The following ARFGEF3 variants were observed in gnomAD, a reference collection of about 807,000 sequenced individuals.
ARFGEF3 encodes the protein ARFGEF family member 3, also known as brefeldin A-inhibited guanine nucleotide-exchange protein 3.
A neutral mutation model predicts 221.7 loss-of-function variants in ARFGEF3; 96 were observed. That is an observed-to-expected ratio of 0.43 (90% CI 0.37 to 0.51). The LOEUF (loss-of-function observed/expected upper bound fraction) is 0.51, where lower values mean the gene tolerates loss of function less well. ARFGEF3 is among the 20% of genes least tolerant of loss of function. The pLI is 0.00. For synonymous variants in ARFGEF3, 1,145 were observed against 1,126.8 expected (o/e 1.02, Z -0.32); for missense variants, 2,410 against 2,789.9 (o/e 0.86, Z 3.07).
At chr6:138,247,183 T>C (rs1778499753) in intron 8 of ARFGEF3, among the ~76,000 whole-genome samples, 1 of 152,120 alleles carries the variant, frequency 6.6e-6, no homozygotes, top group Non-Finnish European at 1.5e-5. Flanking sequence ...AGCAGATGGA[T>C]GTAAATAGTT....
intron 2 of ARFGEF3, among the ~76,000 whole-genome samples, chr6:138,190,030 A>G (rs975968618): frequency 6.7e-6 from 1 of 148,354 alleles, no homozygotes; most frequent in African/African-American, 2.5e-5. Context: ...GCTGCAGTGA[A>G]CCATGATTGA....
intron 5 of ARFGEF3, among the ~76,000 whole-genome samples, chr6:138,231,169 A>G (rs1353921623): frequency 2.0e-5 from 3 of 152,166 alleles, no homozygotes; most frequent in Non-Finnish European, 4.4e-5. Context: ...TAATTCCTGA[A>G]TAATAGGCAC....
chr6:138,261,614 AAGTCTCATCTGG>A lies in ARFGEF3; in HGVS notation c.1194_1205del (p.Lys398_Asp402delinsAsn). 1 of 1,564,538 alleles carries A rather than the reference AAGTCTCATCTGG, an allele frequency of 6.4e-7. No homozygotes were observed. The highest frequency in any genetic ancestry group is 8.7e-7 in the Non-Finnish European group (1 of 1,152,796). On this transcript the variant is annotated inframe_deletion, in exon 11 of 34. Coordinates refer to ENST00000251691, the MANE Select transcript of ARFGEF3 (RefSeq NM_020340.5). ...CAGAAAAAGATCAATTTCAAAAAGA[AAGTCTCATCTGG>A]ATCTCCTCAAACTGTATGATGTTTA...
At chr6:138,215,885 TGTGAAAGAGA>T (rs1161331982) in intron 4 of ARFGEF3, 1 of 99,182 alleles carries the variant, frequency 1.0e-5, no homozygotes, top group Non-Finnish European at 2.0e-5. Context: ...TGTGTGTGTG[TGTGAAAGAGA>T]GAGAGAGAGA....
chr6:138,303,139 T>G (rs2114653465), intron 22 of ARFGEF3, among the ~76,000 whole-genome samples: 2 of 152,350 alleles, frequency 1.3e-5, no homozygotes, highest in South Asian at 4.1e-4. Context: ...GCAAAGTTGC[T>G]GTATTTTGCC....
At chr6:138,245,481 G>A in intron 7 of ARFGEF3, 32 bp from the exon 8 acceptor site, 6 of 1,532,030 alleles carry the variant, frequency 3.9e-6, no homozygotes, top group Non-Finnish European at 5.4e-6. Flanking sequence ...CCCTGTCGAT[G>A]TCTCATGCCT....
At chr6:138,301,279 A>G (rs971280765) in intron 22 of ARFGEF3, among the ~76,000 whole-genome samples, 3 of 152,250 alleles carry the variant, frequency 2.0e-5, no homozygotes, top group Non-Finnish European at 4.4e-5. Context: ...ATTGAGTAGC[A>G]TTTATTCTTA....
chr6:138,222,990 C>T (rs1778008651), intron 4 of ARFGEF3, among the ~76,000 whole-genome samples: 1 of 152,164 alleles, frequency 6.6e-6, no homozygotes, highest in African/African-American at 2.4e-5. Context: ...CCATCCCTCC[C>T]TCACTCCAAA....
rs866279617 is a variant in ARFGEF3, at chr6:138,322,365, G to A, written c.4766+1140G>A. On this transcript the variant is annotated intron_variant, in intron 29 of 33. Transcript: ENST00000251691. The stretch of plus-strand genomic sequence containing the variant: ...CACTATAACAGCATGGGAAAGACCC[G>A]GCCCGATGATTCAGTTACCTCTCAC... Among the ~76,000 whole-genome samples the A allele has an allele frequency of 3.9e-5, 6 of 152,100 alleles. No individual in the cohort carries two copies. The East Asian group carries it at 7.7e-4, about 20-fold the overall frequency.
At chr6:138,228,486 C>G (rs764031799) in intron 4 of ARFGEF3, among the ~76,000 whole-genome samples, 5 of 151,892 alleles carry the variant, frequency 3.3e-5, no homozygotes, top group Non-Finnish European at 4.4e-5. Context: ...TGTGCCCAGC[C>G]AACTGAGCTG....
Position 138,342,437 on chromosome 6 carries a change from A to G in ARFGEF3, c.*5951A>G, listed in dbSNP as rs1367831866. The G allele has an allele frequency of 6.6e-6, 1 of 152,174 alleles. No homozygotes were observed. Among genetic ancestry groups the G allele is most frequent in the Admixed American group, 6.6e-5 (1 of 15,266 alleles). 9.4% of individuals were successfully genotyped at this position (152,174 alleles called of 1,614,324 possible). A position where few individuals can be genotyped will look rare whatever the true frequency, so the allele number is the denominator to read the frequency against. ...GGATTCTATACAGCAGTCTTGCTCA[A>G]TCTTCCCAGTTTCCAGTTTTATTAT... On this transcript the variant is annotated 3_prime_UTR_variant, in exon 34 of 34. Coordinates refer to ENST00000251691, the MANE Select transcript of ARFGEF3 (RefSeq NM_020340.5).
chr6:138,195,680 A>G (rs902733843), intron 2 of ARFGEF3, among the ~76,000 whole-genome samples: 1 of 152,256 alleles, frequency 6.6e-6, no homozygotes, highest in Non-Finnish European at 1.5e-5. Context: ...ACATCTTTAC[A>G]TAGAAAACTT....
chr6:138,254,655 G>A (rs1002259405), intron 9 of ARFGEF3, among the ~76,000 whole-genome samples: 12 of 152,118 alleles, frequency 7.9e-5, no homozygotes, highest in Admixed American at 3.3e-4. Context: ...ACTTGAACCC[G>A]GGAGGCGGAG....
chr6:138,229,285 A>G (rs1009405800), intron 4 of ARFGEF3, among the ~76,000 whole-genome samples: 3 of 152,236 alleles, frequency 2.0e-5, no homozygotes, highest in Admixed American at 6.5e-5. Flanking sequence ...ATGGAGTCGG[A>G]TTACTTGAGT....
Position 138,236,429 on chromosome 6 carries a change from T to G in ARFGEF3, c.421-2080T>G, listed in dbSNP as rs189581960. Among the ~76,000 whole-genome samples the G allele has an allele frequency of 1.1e-4, 16 of 152,322 alleles. No individual in the cohort carries two copies. The East Asian group carries it at 2.5e-3, about 24-fold the overall frequency. On this transcript the variant is annotated intron_variant, in intron 5 of 33. Coordinates refer to ENST00000251691, the MANE Select transcript of ARFGEF3 (RefSeq NM_020340.5). Reference sequence around the variant, plus strand: ...TCACTGCACTCATTTAGATGTATCTTCAAAGTTTTAAAACCATTTCATCGC... The same window carrying G: ...TCACTGCACTCATTTAGATGTATCTGCAAAGTTTTAAAACCATTTCATCGC...
At chr6:138,333,029 G>A (rs1293438157) in intron 32 of ARFGEF3, among the ~76,000 whole-genome samples, 1 of 152,204 alleles carries the variant, frequency 6.6e-6, no homozygotes, top group Non-Finnish European at 1.5e-5. Context: ...CTAGAACTTT[G>A]AAATTAATAA....
intron 5 of ARFGEF3, among the ~76,000 whole-genome samples, chr6:138,233,418 C>G (rs113382356): frequency 0.016 from 2,453 of 152,198 alleles, 75 homozygotes; most frequent in African/African-American, 0.057. Flanking sequence ...ACTCTGTTGC[C>G]CAGGCTGGAC....
At chr6:138,190,092 T>A (rs1042841256) in intron 2 of ARFGEF3, among the ~76,000 whole-genome samples, 3 of 151,458 alleles carry the variant, frequency 2.0e-5, no homozygotes, top group Admixed American at 6.6e-5. Context: ...TCAAAAAAAA[T>A]AAAATAAAAT....
chr6:138,328,067 T>C lies in ARFGEF3; in HGVS notation c.5048T>C (p.Phe1683Ser), dbSNP rs1780157689. ...TGCTCACCAAAGACACCAAACAACT[T>C]TGACCACGCTCAGTCCTGCCAGCTC... ...TQCSPKTPNN[F>S]DHAQSCQLII... The change falls in exon 32 of 34, where the codon TTT becomes TCT. Residue 1683 changes from phenylalanine to serine, a missense_variant. By Grantham distance (155) the Phe-to-Ser change is radical. This residue lies in a region of ARFGEF3 where 723 missense variants were observed against 991.9 expected (regional missense o/e 0.73). Transcript: ENST00000251691. 1 of 1,560,752 alleles carries C rather than the reference T, an allele frequency of 6.4e-7. No homozygotes were observed. Among genetic ancestry groups the C allele is most frequent in the African/African-American group, 1.4e-5 (1 of 73,710 alleles).
Sources: gnomAD v4.1 joint callset for allele counts (sites outside exome capture counted in the v4.1 genomes callset) on GRCh38, gnomAD v4.1.1 for gene constraint, gnomAD v4.1.1 regional missense constraint, MANE v1.5 for transcripts, NCBI Gene and HGNC (gene_info 2026-07-23, HGNC 2026-07-21) for gene names.